PAQR3: variants seen among roughly 807,000 people sequenced by gnomAD.
PAQR3 encodes Raf kinase trapping to Golgi.
In PAQR3, 39 loss-of-function variants were observed where a neutral mutation model predicts 41.7. That is an observed-to-expected ratio of 0.93 (90% confidence interval 0.72 to 1.22). The LOEUF (loss-of-function observed/expected upper bound fraction) is 1.22. Ranked by LOEUF, PAQR3 falls within the 50% of genes most tolerant of loss-of-function variation. The pLI, the probability that PAQR3 is intolerant of heterozygous loss-of-function variation, is 0.00. For missense variants in PAQR3, 366 were observed against 385.6 expected (o/e 0.95, Z 0.42); for synonymous variants, 140 against 140.6 (o/e 1.00, Z 0.03).
At chr4:78,934,432 G>GT (rs1231387551) in intron 2 of PAQR3, among the ~76,000 whole-genome samples, 1 of 152,108 alleles carries the variant, frequency 6.6e-6, no homozygotes, top group Admixed American at 6.6e-5. Flanking sequence ...TCATTTTTGT[G>GT]TTTTTTTATG....
intron 11 of PAQR3, among the ~76,000 whole-genome samples, chr4:78,902,859 A>G (rs1734082530): frequency 6.6e-6 from 1 of 152,110 alleles, no homozygotes; most frequent in African/African-American, 2.4e-5. Context: ...ATTTTTTGGT[A>G]TAGTTTATAA....
chr4:78,923,726 T>C (rs1417866316), intron 5 of PAQR3, 131 bp downstream of exon 5: 2 of 715,344 alleles, frequency 2.8e-6, no homozygotes, highest in Non-Finnish European at 4.8e-6. Flanking sequence ...TAGGTAACAT[T>C]TGGAAAGAGA....
rs1341052006 is a variant in PAQR3, at chr4:78,935,894, G to A, written c.186-611C>T. On this transcript the variant is annotated intron_variant, in intron 1 of 5. Transcript: ENST00000512733. ...ATGCCAGAACAACTTTGCCGTGGAT[G>A]TTTTAAAACTAGTCTAGTTTCCAGG... Among the ~76,000 whole-genome samples, 4 of 152,238 alleles carry A rather than the reference G, an allele frequency of 2.6e-5. No homozygotes were observed. The South Asian group carries it at 8.3e-4, about 31-fold the overall frequency.
chr4:78,899,184 G>A (rs987129325), intron 11 of PAQR3: 12 of 152,152 alleles, frequency 7.9e-5, no homozygotes, highest in African/African-American at 2.9e-4. Flanking sequence ...AAGACTCCAT[G>A]CTTGAAATAA....
chr4:78,930,505 G>GTGAGCTCTA, intron 2 of PAQR3, 180 bp from the exon 3 acceptor site: 1 of 442,724 alleles, frequency 2.3e-6, no homozygotes. Context: ...GCCATGTAGA[G>GTGAGCTCTA]CCATGAGGGA....
intron 11 of PAQR3, among the ~76,000 whole-genome samples, chr4:78,899,368 G>T (rs1374357504): frequency 1.3e-5 from 2 of 152,158 alleles, no homozygotes; most frequent in Non-Finnish European, 2.9e-5. Context: ...GTCAAGAAAA[G>T]AGTTCACATT....
At chr4:78,927,241 G>A (rs1052993290) in intron 3 of PAQR3, among the ~76,000 whole-genome samples, 2 of 152,174 alleles carry the variant, frequency 1.3e-5, no homozygotes. Context: ...AACAGCAAAT[G>A]CAGCAGGAAG....
At chr4:78,904,499 C>A (rs1384644461) in intron 11 of PAQR3, among the ~76,000 whole-genome samples, 1 of 151,912 alleles carries the variant, frequency 6.6e-6, no homozygotes, top group African/African-American at 2.4e-5. Flanking sequence ...ACAAGCCACA[C>A]AAGATAATTT....
chr4:78,887,902 TAGA>T (rs773677420), intron 12 of PAQR3, among the ~76,000 whole-genome samples: 17 of 152,188 alleles, frequency 1.1e-4, no homozygotes, highest in Non-Finnish European at 1.9e-4. Flanking sequence ...GGAAATATGT[TAGA>T]AGAAGTTATG....
intron 1 of PAQR3, among the ~76,000 whole-genome samples, chr4:78,935,573 C>A (rs997921991): frequency 6.6e-6 from 1 of 152,180 alleles, no homozygotes; most frequent in Non-Finnish European, 1.5e-5. Context: ...ATCTTCCAGC[C>A]TATCAATTCC....
chr4:78,927,270 A>C (rs539969924), intron 3 of PAQR3, among the ~76,000 whole-genome samples: 1 of 152,322 alleles, frequency 6.6e-6, no homozygotes, highest in Non-Finnish European at 1.5e-5. Flanking sequence ...AAAAAGGCTA[A>C]AAAGGCATAC....
Position 78,939,227 on chromosome 4 carries a change from T to C in PAQR3, c.-3A>G, listed in dbSNP as rs747966817. The stretch of plus-strand genomic sequence containing the variant: ...CTCTTCAGCAGCTTCTGATGCATCG[T>C]TCCCGGCCGCCGCCGCTCCCCGGCT... On this transcript the variant is annotated 5_prime_UTR_variant, in exon 1 of 6. Coordinates refer to ENST00000512733, the MANE Select transcript of PAQR3 (RefSeq NM_001040202.2). 3 of 1,555,362 alleles carry C rather than the reference T, an allele frequency of 1.9e-6. No homozygotes were observed. Among genetic ancestry groups the C allele is most frequent in the South Asian group, 1.2e-5 (1 of 86,748 alleles).
At chr4:78,936,700 C>T (rs535125830) in intron 1 of PAQR3, among the ~76,000 whole-genome samples, 1 of 152,328 alleles carries the variant, frequency 6.6e-6, no homozygotes, top group East Asian at 1.9e-4. Context: ...CTTGAAACAT[C>T]TAACTACAGG....
chr4:78,930,538 A>G (rs532717948), intron 2 of PAQR3: 72 of 366,744 alleles, frequency 2.0e-4, no homozygotes, highest in African/African-American at 1.2e-3. Flanking sequence ...CCTCATGGGT[A>G]AAATGTAGAT....
chr4:78,918,165 AG>A lies in PAQR3; in HGVS notation c.*2373del. 1 of 950,278 alleles carries A rather than the reference AG, an allele frequency of 1.1e-6. No homozygotes were observed. The highest frequency in any genetic ancestry group is 1.3e-6 in the Non-Finnish European group (1 of 797,630). 58.9% of individuals were successfully genotyped at this position (950,278 alleles called of 1,614,324 possible). ...TAAAATGTAAAATCTGTAGGCAAAA[AG>A]CTTTTATAGTTCACACATTGGTAAA... On this transcript the variant is annotated 3_prime_UTR_variant, in exon 6 of 6. Transcript: ENST00000512733.
chr4:78,903,404 ATTC>A (rs950149508), intron 11 of PAQR3, among the ~76,000 whole-genome samples: 5 of 151,884 alleles, frequency 3.3e-5, no homozygotes, highest in Non-Finnish European at 5.9e-5. Flanking sequence ...GTATTGTCTT[ATTC>A]TTCTTTGTAT....
At chr4:78,936,110 C>T (rs1737404558) in intron 1 of PAQR3, among the ~76,000 whole-genome samples, 1 of 152,222 alleles carries the variant, frequency 6.6e-6, no homozygotes, top group Non-Finnish European at 1.5e-5. Context: ...GCTTCAGTTT[C>T]TTCATCTATA....
intron 2 of PAQR3, among the ~76,000 whole-genome samples, chr4:78,934,880 G>A (rs1737261212): frequency 6.6e-6 from 1 of 152,138 alleles, no homozygotes; most frequent in Admixed American, 6.5e-5. Context: ...TTAAAGCAGA[G>A]GTGCCCCAAA....
rs1733654709 is a variant in PAQR3 at position 78,895,497 on chromosome 4, A to C, written c.*837-7349T>G. Among the ~76,000 whole-genome samples the C allele has an allele frequency of 2.0e-5, 3 of 152,164 alleles. No individual in the cohort carries two copies. The South Asian group carries it at 6.2e-4, about 32-fold the overall frequency. The stretch of plus-strand genomic sequence containing the variant: ...AGGATAAATTTTTAAAAAATACTTG[A>C]CATTGAGGATTCCCTTGAAGTAAAT... On this transcript the variant is annotated intron_variant and NMD_transcript_variant, in intron 11 of 12. Coordinates refer to the PAQR3 transcript ENST00000342820.
Sources: gnomAD v4.1 joint callset for allele counts (sites outside exome capture counted in the v4.1 genomes callset) on GRCh38, gnomAD v4.1.1 for gene constraint, MANE v1.5 for transcripts, NCBI Gene and HGNC (gene_info 2026-07-23, HGNC 2026-07-21) for gene names.